KAT6B: variants seen among roughly 807,000 people sequenced by gnomAD.
The protein encoded by KAT6B is histone acetyltransferase KAT6B.
Under a neutral mutation model 187.5 loss-of-function variants are expected in KAT6B, and 10 were observed. The ratio of observed to expected loss-of-function variants is 0.05; its 90% confidence interval spans 0.03 to 0.09. KAT6B has a LOEUF of 0.09. Ranked by LOEUF, KAT6B falls within the 10% of genes least tolerant of loss-of-function variation. KAT6B has a pLI of 1.00. For synonymous variants in KAT6B, 861 were observed against 926.8 expected, an observed-to-expected ratio of 0.93 and a Z score of 1.29; for missense variants, 1,952 against 2,558.9, an observed-to-expected ratio of 0.76 and a Z score of 5.12.
intron 3 of KAT6B, among the ~76,000 whole-genome samples, chr10:74,875,959 A>G (rs1442867657): frequency 2.6e-5 from 4 of 152,192 alleles, no homozygotes; most frequent in Non-Finnish European, 5.9e-5. Context: ...TGTTAAACCA[A>G]TGAAGTTCAA....
At chr10:74,955,526 G>A (rs1396287724) in intron 3 of KAT6B, among the ~76,000 whole-genome samples, 1 of 151,678 alleles carries the variant, frequency 6.6e-6, no homozygotes, top group East Asian at 1.9e-4. Context: ...TTAACATTGT[G>A]TCATGTTTAC....
intron 3 of KAT6B, among the ~76,000 whole-genome samples, chr10:74,939,416 G>C (rs971407202): frequency 1.3e-5 from 2 of 151,864 alleles, no homozygotes; most frequent in African/African-American, 4.8e-5. Context: ...TTGTTTATTT[G>C]TTTTTTGAGA....
At chr10:74,967,329 CAA>C (rs143829532) in intron 4 of KAT6B, among the ~76,000 whole-genome samples, 48,787 of 113,278 alleles carry the variant, frequency 0.43, 12,348 homozygotes, top group African/African-American at 0.74. Context: ...GACTCCGTCT[CAA>C]AAAAAAAAAA....
At chr10:74,874,289 G>C (rs1350015960) in intron 3 of KAT6B, among the ~76,000 whole-genome samples, 1 of 152,222 alleles carries the variant, frequency 6.6e-6, no homozygotes, top group East Asian at 1.9e-4. Context: ...GGTGGTTACT[G>C]TAGGTTGTCA....
In KAT6B at chr10:75,020,745, G is replaced by C; in HGVS notation, c.2793G>C (p.Thr931=). ...HISIKAISRA[T]GMCPHDIATT... ...GCATCAAGGCAATTAGCAGAGCGAC[G>C]GGCATGTGCCCACATGACATTGCCA... Residue 931 remains threonine (T), a synonymous_variant, in exon 14 of 18, where the codon ACG becomes ACC. Transcript: ENST00000287239. 1 of 1,614,132 alleles carries C rather than the reference G, an allele frequency of 6.2e-7. No homozygotes were observed.
At chr10:74,851,692 A>G (rs1456402698) in intron 3 of KAT6B, among the ~76,000 whole-genome samples, 1 of 151,904 alleles carries the variant, frequency 6.6e-6, no homozygotes, top group Non-Finnish European at 1.5e-5. Context: ...CAAACGTAGG[A>G]CCCTTGTTAT....
intron 3 of KAT6B, among the ~76,000 whole-genome samples, chr10:74,943,592 C>A (rs1007435895): frequency 3.9e-5 from 6 of 151,994 alleles, no homozygotes; most frequent in African/African-American, 1.2e-4. Flanking sequence ...ACTGGTTATA[C>A]ATATGGGAAA....
At chr10:74,919,914 A>T (rs932995503) in intron 3 of KAT6B, among the ~76,000 whole-genome samples, 2 of 152,154 alleles carry the variant, frequency 1.3e-5, no homozygotes, top group Non-Finnish European at 2.9e-5. Flanking sequence ...TTTATAGTTT[A>T]TAGTTCCCTG....
upstream of KAT6B, among the ~76,000 whole-genome samples, chr10:74,826,403 G>A (rs1840223991): frequency 1.3e-5 from 2 of 152,114 alleles, no homozygotes; most frequent in Non-Finnish European, 2.9e-5. Context: ...GGGATGATGG[G>A]TCGAGGGGTG....
intron 1 of KAT6B, among the ~76,000 whole-genome samples, chr10:74,827,904 G>T (rs1193202950): frequency 6.6e-6 from 1 of 152,090 alleles, no homozygotes; most frequent in South Asian, 2.1e-4. Flanking sequence ...CAAGTGATCT[G>T]CCCACCTCTG....
intron 3 of KAT6B, among the ~76,000 whole-genome samples, chr10:74,910,428 C>T (rs1167243770): frequency 6.6e-6 from 1 of 152,166 alleles, no homozygotes; most frequent in Non-Finnish European, 1.5e-5. Flanking sequence ...ACAGCCTTAT[C>T]AGGAGGAGAA....
intron 3 of KAT6B, among the ~76,000 whole-genome samples, chr10:74,910,119 A>C (rs1420975954): frequency 7.2e-6 from 1 of 139,690 alleles, no homozygotes; most frequent in Admixed American, 7.0e-5. Flanking sequence ...GAGAAGCCCC[A>C]TCTCTACTAA....
intron 3 of KAT6B, among the ~76,000 whole-genome samples, chr10:74,859,808 G>A (rs1371820214): frequency 6.6e-6 from 1 of 152,148 alleles, no homozygotes; most frequent in Non-Finnish European, 1.5e-5. Context: ...TCCTCATGGA[G>A]CATGTATACT....
At chr10:74,993,340 T>G (rs1045049183) in intron 13 of KAT6B, among the ~76,000 whole-genome samples, 2 of 152,240 alleles carry the variant, frequency 1.3e-5, no homozygotes, top group Non-Finnish European at 2.9e-5. Context: ...CGTACATTGT[T>G]GCACATGTTC....
At chr10:74,866,791 G>A (rs1475495794) in intron 3 of KAT6B, among the ~76,000 whole-genome samples, 2 of 152,188 alleles carry the variant, frequency 1.3e-5, no homozygotes, top group East Asian at 3.8e-4. Context: ...GCACCAAAAT[G>A]AGACTTTCTT....
At chr10:75,022,855 C>T (rs182591263) in intron 16 of KAT6B, among the ~76,000 whole-genome samples, 1 of 152,270 alleles carries the variant, frequency 6.6e-6, no homozygotes, top group East Asian at 1.9e-4. Flanking sequence ...CCCAGGGAGG[C>T]AGAGGTTGCA....
At chr10:74,879,585 G>A (rs565925894) in intron 3 of KAT6B, among the ~76,000 whole-genome samples, 2 of 152,280 alleles carry the variant, frequency 1.3e-5, no homozygotes, top group Admixed American at 6.5e-5. Context: ...AAATTCAGGG[G>A]ACTCTGTTCA....
chr10:74,985,813 G>A (rs1313323617), intron 12 of KAT6B, among the ~76,000 whole-genome samples: 2 of 152,144 alleles, frequency 1.3e-5, no homozygotes, highest in African/African-American at 2.4e-5. Context: ...TTGGGAGGCC[G>A]GGGTGGGCGG....
intron 8 of KAT6B, chr10:74,977,079 A>G (rs544155265): frequency 1.2e-5 from 5 of 423,468 alleles, no homozygotes; most frequent in Admixed American, 3.6e-5. Flanking sequence ...TTTCCCTCAT[A>G]TATTTATTAA....
Sources: gnomAD v4.1 joint callset for allele counts (sites outside exome capture counted in the v4.1 genomes callset) on GRCh38, gnomAD v4.1.1 for gene constraint, MANE v1.5 for transcripts, NCBI Gene and HGNC (gene_info 2026-07-23, HGNC 2026-07-21) for gene names.